The following GABRG2 variants were observed in gnomAD, a reference collection of about 807,000 sequenced individuals.
The protein encoded by GABRG2 is gamma-aminobutyric acid type A receptor subunit gamma2.
In GABRG2, 16 loss-of-function variants were observed where a neutral mutation model predicts 56.4. That is an observed-to-expected ratio of 0.28 (90% CI 0.19 to 0.43). The LOEUF is 0.43. GABRG2 is among the 20% of genes least tolerant of loss of function. The pLI, the probability that GABRG2 is intolerant of heterozygous loss-of-function variation, is 1.00. For missense variants in GABRG2, 327 were observed against 582.7 expected, an observed-to-expected ratio of 0.56 and a Z score of 4.52; for synonymous variants, 208 against 205.5, an observed-to-expected ratio of 1.01 and a Z score of -0.10.
chr5:162,149,095 C>A lies in GABRG2; in HGVS notation c.923-13C>A, dbSNP rs770128179. 9 of 1,612,430 alleles carry A rather than the reference C, an allele frequency of 5.6e-6. No individual in the cohort carries two copies. The African/African-American group carries it at 9.4e-5, about 17-fold the overall frequency. ...TGCAATCACATGACCTGTATTATTA[C>A]ACCTCTCTTCAGGTATCACCACTGT... On this transcript the variant is annotated splice_polypyrimidine_tract_variant and intron_variant, in intron 7 of 9. Transcript: ENST00000639213.
chr5:162,149,419 A>T, intron 8 of GABRG2, 106 bp downstream of exon 8: 1 of 1,011,276 alleles, frequency 9.9e-7, no homozygotes, highest in Non-Finnish European at 1.5e-6. Context: ...GGGCTCCAAG[A>T]TGAAAACAGC....
At chr5:162,149,479 C>T in intron 8 of GABRG2, 166 bp downstream of exon 8, 1 of 733,372 alleles carries the variant, frequency 1.4e-6, no homozygotes, top group Admixed American at 2.0e-5. Flanking sequence ...TCATTAGTTA[C>T]TTGAGAGAGA....
intron 1 of GABRG2, among the ~76,000 whole-genome samples, chr5:162,071,809 T>C (rs1046342466): frequency 2.6e-5 from 4 of 151,942 alleles, no homozygotes; most frequent in Non-Finnish European, 5.9e-5. Context: ...GCTTTAGTTG[T>C]AGACAAAACC....
chr5:162,112,517 G>A (rs376284029), intron 6 of GABRG2, among the ~76,000 whole-genome samples: 4 of 152,112 alleles, frequency 2.6e-5, no homozygotes, highest in African/African-American at 9.7e-5. Context: ...TTTGATGTAA[G>A]TGAATGATTC....
At chr5:162,093,290 C>A (rs530247574) in intron 1 of GABRG2, among the ~76,000 whole-genome samples, 1 of 152,226 alleles carries the variant, frequency 6.6e-6, no homozygotes, top group Non-Finnish European at 1.5e-5. Flanking sequence ...TACACATAAA[C>A]ACACCCTGGG....
intron 4 of GABRG2, 31 bp downstream of exon 4, chr5:162,097,889 G>T: frequency 6.5e-7 from 1 of 1,543,046 alleles, no homozygotes; most frequent in Middle Eastern, 1.7e-4. Context: ...AGGAGTAATT[G>T]TTAGGAAGAA....
chr5:162,090,099 C>T (rs999578956), intron 1 of GABRG2, among the ~76,000 whole-genome samples: 1 of 152,058 alleles, frequency 6.6e-6, no homozygotes, highest in Non-Finnish European at 1.5e-5. Flanking sequence ...AGTGTGAATT[C>T]CTGTTTGTAA....
intron 6 of GABRG2, among the ~76,000 whole-genome samples, chr5:162,121,540 A>G (rs1434274462): frequency 6.6e-6 from 1 of 152,068 alleles, no homozygotes; most frequent in African/African-American, 2.4e-5. Flanking sequence ...TGTATAAATT[A>G]TATTCATTAA....
chr5:162,078,518 A>T lies in GABRG2; in HGVS notation c.107+10412A>T, dbSNP rs952200110. Reference sequence around the variant, plus strand: ...GCCTCCCAGGTTCATGCATTCTCCCACTTCAGCCTCCTGAGTATCTGGGAC... The same window carrying T: ...GCCTCCCAGGTTCATGCATTCTCCCTCTTCAGCCTCCTGAGTATCTGGGAC... On this transcript the variant is annotated intron_variant, in intron 1 of 9. Transcript: ENST00000639213. Among the ~76,000 whole-genome samples, 4 of 142,406 alleles carry T rather than the reference A, an allele frequency of 2.8e-5. No homozygotes were observed. The East Asian group carries it at 8.7e-4, about 31-fold the overall frequency. The allele number at this position is 142,406 out of a possible 152,430, so 93.4% of individuals were successfully genotyped here.
chr5:162,132,754 A>G (rs1404777251), intron 6 of GABRG2, among the ~76,000 whole-genome samples: 4 of 152,042 alleles, frequency 2.6e-5, no homozygotes, highest in African/African-American at 9.7e-5. Context: ...TGCTGAAACT[A>G]TTTCCATTGA....
Position 162,093,910 on chromosome 5 carries a change from G to A in GABRG2, c.190G>A (p.Gly64Ser), listed in dbSNP as rs759874474. Residue 64 changes from glycine (G) to serine (S), a missense_variant, in exon 2 of 10, where the codon GGT (glycine) becomes AGT (serine). Gly to Ser is a moderately conservative substitution (Grantham distance 56). Around this residue, in one of 4 missense-constraint regions of GABRG2, gnomAD observed 73 missense variants for 72.2 expected, o/e 1.01. Coordinates refer to ENST00000639213, the MANE Select transcript of GABRG2 (RefSeq NM_198904.4). ...GGTCTTGACTCCAAAAGTTCCTGAG[G>A]GTGATGTCACTGTCATCTTAAACAA... ...TWVLTPKVPEGDVTVILNNLL... is the reference protein window; with the variant it reads ...TWVLTPKVPESDVTVILNNLL... The A allele has an allele frequency of 1.2e-6, 2 of 1,613,216 alleles. No homozygotes were observed. Among genetic ancestry groups the A allele is most frequent in the Non-Finnish European group, 1.7e-6 (2 of 1,179,484 alleles).
At chr5:162,084,506 T>C (rs1340802858) in intron 1 of GABRG2, among the ~76,000 whole-genome samples, 1 of 151,838 alleles carries the variant, frequency 6.6e-6, no homozygotes, top group Non-Finnish European at 1.5e-5. Context: ...GGCTGCACCT[T>C]AGAATTAGCT....
At chr5:162,112,969 T>C (rs1220195799) in intron 6 of GABRG2, among the ~76,000 whole-genome samples, 1 of 152,150 alleles carries the variant, frequency 6.6e-6, no homozygotes, top group African/African-American at 2.4e-5. Flanking sequence ...TATTATTATT[T>C]TGAGACAGAG....
At chr5:162,085,557 TCTTTTTTTTTTTA>T (rs925138147) in intron 1 of GABRG2, among the ~76,000 whole-genome samples, 4 of 145,986 alleles carry the variant, frequency 2.7e-5, no homozygotes, top group South Asian at 2.2e-4. Context: ...TTTTTTTTCT[TCTTTTTTTTTTTA>T]CTTTTTTTTT....
In GABRG2 at chr5:162,068,949, G is replaced by A. The variant is rs118034871; in HGVS notation, c.107+843G>A. ...GGAAAAGAGTTGGCCTTGCTGCAGT[G>A]TTGGAAAATATGCTGAACCAGGTGA... On this transcript the variant is annotated intron_variant, in intron 1 of 9. Coordinates refer to ENST00000639213, the MANE Select transcript of GABRG2 (RefSeq NM_198904.4). 7.1e-3 allele frequency among the ~76,000 whole-genome samples: 1,086 copies of A among 152,202 alleles called. 32 individuals are homozygous for A. The highest frequency in any genetic ancestry group is 0.041 in the East Asian group (213 of 5,174).
intron 7 of GABRG2, chr5:162,142,824 C>T (rs1264089217): frequency 4.9e-6 from 1 of 205,672 alleles, no homozygotes; most frequent in Non-Finnish European, 1.0e-5. Context: ...GGGTGCAGCA[C>T]ACCAGCATGG....
rs116075347 is a variant in GABRG2, at chr5:162,069,665, T to C, written c.107+1559T>C. Among the ~76,000 whole-genome samples the C allele has an allele frequency of 4.9e-3, 753 of 152,318 alleles. 8 individuals are homozygous for C. The highest frequency in any genetic ancestry group is 0.017 in the African/African-American group (723 of 41,582). On this transcript the variant is annotated intron_variant, in intron 1 of 9. Transcript: ENST00000639213. ...ACTAATTTACTATAAAAATAGAATGTATTTTCACTAGGATTATAACATTTC... is the reference window on the plus strand; with the variant it reads ...ACTAATTTACTATAAAAATAGAATGCATTTTCACTAGGATTATAACATTTC...
Position 162,097,947 on chromosome 5 carries a change from A to T in GABRG2, c.548+89A>T. ...CCTTAAGTCTCTAAAAGAAAAAAAA[A>T]AAAGGAAATAAATTTCAAGACTGCA... On this transcript the variant is annotated intron_variant, in intron 4 of 9. Coordinates refer to ENST00000639213, the MANE Select transcript of GABRG2 (RefSeq NM_198904.4). The T allele has an allele frequency of 4.4e-6, 5 of 1,136,674 alleles. No individual in the cohort carries two copies. The South Asian group carries it at 6.6e-5, about 15-fold the overall frequency. 70.4% of individuals were successfully genotyped at this position (1,136,674 alleles called of 1,614,324 possible).
intron 7 of GABRG2, among the ~76,000 whole-genome samples, chr5:162,148,409 G>C (rs544002552): frequency 1.8e-4 from 27 of 150,490 alleles, no homozygotes; most frequent in Non-Finnish European, 3.2e-4. Context: ...TGTTACTTCT[G>C]AGATACTTAT....
Sources: allele counts gnomAD v4.1 joint callset (sites outside exome capture counted in the v4.1 genomes callset), GRCh38; gene constraint gnomAD v4.1.1; regional missense constraint gnomAD v4.1.1; transcripts MANE v1.5; gene names NCBI Gene and HGNC (gene_info 2026-07-23, HGNC 2026-07-21).